The following ADGRL3 variants were observed in gnomAD, a reference collection of about 807,000 sequenced individuals.
ADGRL3 encodes the protein calcium-independent alpha-latrotoxin receptor 3.
ADGRL3 carries 62 observed loss-of-function variants against 153.5 expected under a neutral mutation model. That is an observed-to-expected ratio of 0.40 (90% CI 0.33 to 0.50). The LOEUF is 0.50. Among genes scored for constraint, ADGRL3 ranks in the 20% least tolerant of loss-of-function variants. ADGRL3 has a pLI of 0.47. For missense variants in ADGRL3, 1,641 were observed against 1,859.4 expected, an observed-to-expected ratio of 0.88 and a Z score of 2.16; for synonymous variants, 710 against 672.5, an observed-to-expected ratio of 1.06 and a Z score of -0.86.
intron 9 of ADGRL3, among the ~76,000 whole-genome samples, chr4:61,844,946 T>C (rs2098096640): frequency 6.6e-6 from 1 of 152,048 alleles, no homozygotes; most frequent in Non-Finnish European, 1.5e-5. Flanking sequence ...AGTTCCTACA[T>C]GACTAGTGGG....
chr4:61,827,486 T>C, intron 9 of ADGRL3, among the ~76,000 whole-genome samples: 1 of 152,162 alleles, frequency 6.6e-6, no homozygotes, highest in East Asian at 1.9e-4. Flanking sequence ...ATCCTACAGA[T>C]AGTGGGAAAC....
At chr4:61,503,126 G>A (rs1451308706) in intron 3 of ADGRL3, among the ~76,000 whole-genome samples, 2 of 152,270 alleles carry the variant, frequency 1.3e-5, no homozygotes, top group South Asian at 2.1e-4. Flanking sequence ...CTACAAACAT[G>A]CATGGCTGAT....
At chr4:61,729,835 G>A (rs1210290743) in intron 6 of ADGRL3, among the ~76,000 whole-genome samples, 2 of 152,088 alleles carry the variant, frequency 1.3e-5, no homozygotes. Context: ...AATTTGAAAT[G>A]TATAAACATA....
Position 61,899,589 on chromosome 4 carries a change from A to G in ADGRL3, c.1887+3755A>G, listed in dbSNP as rs78021797. On this transcript the variant is annotated intron_variant, in intron 11 of 26. Transcript: ENST00000683033. ...TTTCTTCTTCTCAGGGATTTTGTGA[A>G]TTAATGTACCCTGAAGGGTGAACCA... Among the ~76,000 whole-genome samples, 306 of 152,318 alleles carry G rather than the reference A, an allele frequency of 2.0e-3. 1 individual carries two copies. Among genetic ancestry groups the G allele is most frequent in the Non-Finnish European group, 3.3e-3 (225 of 68,032 alleles).
Position 61,892,715 on chromosome 4 carries a change from A to T in ADGRL3, c.1540A>T (p.Thr514Ser), listed in dbSNP as rs569654884. 1.2e-6 allele frequency: 2 copies of T among 1,613,930 alleles called. No homozygotes were observed. Among genetic ancestry groups the T allele is most frequent in the Admixed American group, 3.3e-5 (2 of 60,010 alleles). Residue 514 changes from threonine (T) to serine (S), a missense_variant, in exon 10 of 27, where the codon ACC becomes TCC. Thr to Ser is a moderately conservative substitution (Grantham distance 58). This residue lies in a region of ADGRL3 where 734 missense variants were observed against 797.0 expected (regional missense o/e 0.92). Coordinates refer to ENST00000683033, the MANE Select transcript of ADGRL3 (RefSeq NM_001387552.1). ...CACTACCACCAGTACCACCCTTCGG[A>T]CCACAACTTTGAGCCCAGGAAGGAG... Reference protein sequence around the residue: ...GSTTTSTTLRTTTLSPGRSTT... With the variant: ...GSTTTSTTLRSTTLSPGRSTT...
chr4:61,825,989 T>C lies in ADGRL3; in HGVS notation c.1480+12100T>C, dbSNP rs146111026. Among the ~76,000 whole-genome samples the C allele has an allele frequency of 6.0e-4, 92 of 152,288 alleles. No homozygotes were observed. In the East Asian group the frequency reaches 0.011, roughly 18 times the overall value. Reference sequence around the variant, plus strand: ...GTAAAATGGCAAATAGAATCTTTTCTCAAACTCTTTTTAAATGCATACAGT... The same window carrying C: ...GTAAAATGGCAAATAGAATCTTTTCCCAAACTCTTTTTAAATGCATACAGT... On this transcript the variant is annotated intron_variant, in intron 9 of 26. Transcript: ENST00000683033.
intron 1 of ADGRL3, among the ~76,000 whole-genome samples, chr4:61,274,137 T>G (rs1202120960): frequency 6.6e-6 from 1 of 152,222 alleles, no homozygotes; most frequent in Non-Finnish European, 1.5e-5. Flanking sequence ...GTACTTTGAA[T>G]AGCTTTGGTA....
chr4:61,350,745 G>A (rs1057209717), intron 1 of ADGRL3, among the ~76,000 whole-genome samples: 14 of 152,060 alleles, frequency 9.2e-5, no homozygotes, highest in Non-Finnish European at 1.5e-4. Flanking sequence ...GATGAGCTGT[G>A]CCCATAAAAC....
chr4:61,416,297 T>A (rs1201573731), intron 2 of ADGRL3, among the ~76,000 whole-genome samples: 5 of 150,816 alleles, frequency 3.3e-5, no homozygotes, highest in African/African-American at 1.2e-4. Context: ...AAGCCGAAAC[T>A]GTGAGTATTT....
intron 2 of ADGRL3, among the ~76,000 whole-genome samples, chr4:61,438,405 A>C (rs1395713481): frequency 6.6e-6 from 1 of 151,044 alleles, no homozygotes; most frequent in Non-Finnish European, 1.5e-5. Context: ...GTACATGTGC[A>C]CAATGTGCAG....
intron 8 of ADGRL3, among the ~76,000 whole-genome samples, chr4:61,736,413 G>A (rs1358884947): frequency 6.6e-6 from 1 of 152,138 alleles, no homozygotes; most frequent in Non-Finnish European, 1.5e-5. Context: ...CAGCACTTTG[G>A]GAGGGCAAGG....
At chr4:61,945,482 C>A (rs2098916557) in intron 15 of ADGRL3, among the ~76,000 whole-genome samples, 1 of 128,708 alleles carries the variant, frequency 7.8e-6, no homozygotes, top group African/African-American at 2.9e-5. Context: ...AGCTTCCAGG[C>A]TGCTTTGTTT....
rs1253804439 is a variant in ADGRL3, at chr4:61,680,424, G to A, written c.583+3489G>A. Among the ~76,000 whole-genome samples the A allele has an allele frequency of 1.1e-4, 7 of 64,890 alleles. No homozygotes were observed. The East Asian group carries it at 1.6e-3, about 15-fold the overall frequency. The allele number at this position is 64,890 out of a possible 152,430, so 42.6% of individuals were successfully genotyped here. The stretch of plus-strand genomic sequence containing the variant: ...CATACTCGTGTGTGTGTGTGTGTGT[G>A]TGTGTGTGTGTGTGTGTGTGTGTGT... On this transcript the variant is annotated intron_variant, in intron 6 of 26. Coordinates refer to ENST00000683033, the MANE Select transcript of ADGRL3 (RefSeq NM_001387552.1).
intron 2 of ADGRL3, among the ~76,000 whole-genome samples, chr4:61,413,546 G>A (rs1353509511): frequency 6.6e-6 from 1 of 152,130 alleles, no homozygotes; most frequent in African/African-American, 2.4e-5. Flanking sequence ...GATAATGTGG[G>A]TGTGGGTGAG....
At chr4:61,629,068 G>T (rs1294771464) in intron 5 of ADGRL3, among the ~76,000 whole-genome samples, 2 of 152,128 alleles carry the variant, frequency 1.3e-5, no homozygotes, top group Non-Finnish European at 2.9e-5. Context: ...TGGTGAGAAT[G>T]ATATGCTTTG....
Position 61,432,560 on chromosome 4 carries a change from T to TTTTCTTTCTTTCTTTCTTTCTTTC in ADGRL3, c.-174+49380_-174+49381insTTCTTTCTTTCTTTCTTTCTTTCT, listed in dbSNP as rs1335527774. Among the ~76,000 whole-genome samples, 5 of 33,428 alleles carry TTTTCTTTCTTTCTTTCTTTCTTTC rather than the reference T, an allele frequency of 1.5e-4. 1 individual carries two copies. The highest frequency in any genetic ancestry group is 4.3e-3 in the South Asian group (2 of 466). The allele number at this position is 33,428 out of a possible 152,430, so 21.9% of individuals were successfully genotyped here. On this transcript the variant is annotated intron_variant, in intron 2 of 26. Coordinates refer to ENST00000683033, the MANE Select transcript of ADGRL3 (RefSeq NM_001387552.1). ...AAAACCAATAGCCTTTATAGATTTC[T>TTTTCTTTCTTTCTTTCTTTCTTTC]TTTCTTTCTCTTCCTTTCTTTCTTT... is the stretch of plus-strand genomic sequence containing the variant.
intron 4 of ADGRL3, among the ~76,000 whole-genome samples, chr4:61,577,964 T>G (rs1042035739): frequency 2.0e-5 from 3 of 152,108 alleles, no homozygotes; most frequent in African/African-American, 7.2e-5. Flanking sequence ...TAAAGAATTC[T>G]TAAAATTATA....
At chr4:61,805,541 T>C (rs2097544420) in intron 8 of ADGRL3, among the ~76,000 whole-genome samples, 1 of 152,148 alleles carries the variant, frequency 6.6e-6, no homozygotes, top group Non-Finnish European at 1.5e-5. Context: ...TTGAAATAAT[T>C]CTAATATTAT....
At chr4:61,719,180 T>C (rs975513594) in intron 6 of ADGRL3, among the ~76,000 whole-genome samples, 1 of 152,078 alleles carries the variant, frequency 6.6e-6, no homozygotes, top group African/African-American at 2.4e-5. Context: ...TCTGTCACTA[T>C]CTCTCAAAGG....
Sources: gnomAD v4.1 joint callset for allele counts (sites outside exome capture counted in the v4.1 genomes callset) on GRCh38, gnomAD v4.1.1 for gene constraint, gnomAD v4.1.1 regional missense constraint, MANE v1.5 for transcripts, NCBI Gene and HGNC (gene_info 2026-07-23, HGNC 2026-07-21) for gene names.